Variants in DSCAM observed in about 807,000 individuals in gnomAD.
The protein encoded by DSCAM is cell adhesion molecule DSCAM.
DSCAM carries 47 observed loss-of-function variants against 217.7 expected under a neutral mutation model. The observed-to-expected ratio is 0.22, with a 90% CI of 0.17 to 0.28. DSCAM has a LOEUF of 0.28. DSCAM is among the 10% of genes least tolerant of loss of function. The pLI, the probability that DSCAM is intolerant of heterozygous loss-of-function variation, is 1.00. For synonymous variants in DSCAM, 1,056 were observed against 1,015.3 expected (o/e 1.04, Z -0.76); for missense variants, 2,080 against 2,618.3 (o/e 0.79, Z 4.49).
intron 2 of DSCAM, among the ~76,000 whole-genome samples, chr21:40,698,916 G>A (rs1174366178): frequency 4.8e-5 from 7 of 146,062 alleles, no homozygotes; most frequent in African/African-American, 1.0e-4. Context: ...GCTGTTCTTC[G>A]TGTCTCTGAG....
At chr21:40,598,497 GTTTTTTTTTT>G (rs71186947) in intron 3 of DSCAM, among the ~76,000 whole-genome samples, 1 of 66,790 alleles carries the variant, frequency 1.5e-5, no homozygotes, top group Non-Finnish European at 2.6e-5. Flanking sequence ...CTGCCAAACT[GTTTTTTTTTT>G]TTTTTTTTTT....
chr21:40,543,444 A>T (rs924675940), intron 3 of DSCAM, among the ~76,000 whole-genome samples: 2 of 152,194 alleles, frequency 1.3e-5, no homozygotes, highest in African/African-American at 4.8e-5. Flanking sequence ...CCAGAACCAG[A>T]ATCTGGGGTA....
chr21:40,444,050 A>G (rs2075654451), intron 3 of DSCAM, among the ~76,000 whole-genome samples: 1 of 152,222 alleles, frequency 6.6e-6, no homozygotes, highest in Non-Finnish European at 1.5e-5. Flanking sequence ...TAGAGGAAAA[A>G]CTGCTGCTTT....
intron 3 of DSCAM, among the ~76,000 whole-genome samples, chr21:40,558,002 G>T: frequency 6.6e-6 from 1 of 152,000 alleles, no homozygotes; most frequent in East Asian, 1.9e-4. Context: ...ATTTGGCGTT[G>T]GGCATGTAAA....
chr21:40,460,074 C>A (rs1307773393), intron 3 of DSCAM, among the ~76,000 whole-genome samples: 1 of 152,076 alleles, frequency 6.6e-6, no homozygotes. Flanking sequence ...GGGAGCTGAA[C>A]AATGAGAACA....
intron 3 of DSCAM, chr21:40,383,338 A>G (rs934248419): frequency 4.6e-5 from 7 of 152,342 alleles, no homozygotes; most frequent in Non-Finnish European, 1.0e-4. Context: ...CTAAAAAAAG[A>G]AAAAAAGAAA....
intron 14 of DSCAM, among the ~76,000 whole-genome samples, chr21:40,181,580 C>T (rs59431059): frequency 0.066 from 10,012 of 152,032 alleles, 1,055 homozygotes; most frequent in African/African-American, 0.22. Flanking sequence ...TTGGCCTCGC[C>T]TGTGTTATCT....
chr21:40,524,148 C>T (rs1043962775), intron 3 of DSCAM, among the ~76,000 whole-genome samples: 2 of 146,996 alleles, frequency 1.4e-5, no homozygotes, highest in African/African-American at 4.9e-5. Context: ...TTTAAACAAC[C>T]AGATCTCATG....
At chr21:40,728,946 G>A (rs1483655992) in intron 1 of DSCAM, among the ~76,000 whole-genome samples, 3 of 152,132 alleles carry the variant, frequency 2.0e-5, no homozygotes, top group Non-Finnish European at 4.4e-5. Flanking sequence ...CCTTCACTCA[G>A]TGGTAATGCA....
At chr21:40,576,491 T>C (rs1433682436) in intron 3 of DSCAM, among the ~76,000 whole-genome samples, 1 of 152,160 alleles carries the variant, frequency 6.6e-6, no homozygotes, top group Non-Finnish European at 1.5e-5. Flanking sequence ...TGGTGTCAAC[T>C]TGGGTGTCTT....
At chr21:40,408,383 A>G (rs1248053852) in intron 3 of DSCAM, among the ~76,000 whole-genome samples, 1 of 152,126 alleles carries the variant, frequency 6.6e-6, no homozygotes, top group African/African-American at 2.4e-5. Context: ...CATTCTGGAA[A>G]TGTTGAGCTT....
intron 3 of DSCAM, among the ~76,000 whole-genome samples, chr21:40,573,977 T>C (rs1461999103): frequency 6.6e-6 from 1 of 150,658 alleles, no homozygotes; most frequent in African/African-American, 2.5e-5. Context: ...GAAATGGAAT[T>C]TGTAATCAGA....
chr21:40,725,378 C>A (rs532741950), intron 1 of DSCAM, among the ~76,000 whole-genome samples: 6 of 152,188 alleles, frequency 3.9e-5, no homozygotes, highest in Admixed American at 3.9e-4. Flanking sequence ...TGCGTCCGGG[C>A]TCCAGGTATG....
chr21:40,412,767 T>A lies in DSCAM; in HGVS notation c.509-43522A>T, dbSNP rs143801811. Among the ~76,000 whole-genome samples, 14 of 152,302 alleles carry A rather than the reference T, an allele frequency of 9.2e-5. 1 individual carries two copies. In the East Asian group the frequency reaches 2.7e-3, roughly 29 times the overall value. On this transcript the variant is annotated intron_variant, in intron 3 of 32. Transcript: ENST00000400454. ...ATCCAGTTTGCTGCAGAAATTTGAA[T>A]AAGTAACTAGGAGCCAAATGTTAAT... is the stretch of plus-strand genomic sequence containing the variant.
Position 40,085,848 on chromosome 21 carries a change from G to C in DSCAM, c.3969-83C>G, listed in dbSNP as rs1460131558. The C allele has an allele frequency of 9.7e-6, 12 of 1,242,576 alleles. No homozygotes were observed. In the Admixed American group the frequency reaches 1.1e-4, roughly 12 times the overall value. The allele number at this position is 1,242,576 out of a possible 1,614,324, so 77.0% of individuals were successfully genotyped here. A position where few individuals can be genotyped will look rare whatever the true frequency, so the allele number is the denominator to read the frequency against. On this transcript the variant is annotated intron_variant, in intron 22 of 32. Coordinates refer to ENST00000400454, the MANE Select transcript of DSCAM (RefSeq NM_001389.5). ...GGTTGGGGAAAAACAGAAAGACTCT[G>C]TGAAGCAAACCACACATTTGGAAGC... is the stretch of plus-strand genomic sequence containing the variant.
chr21:40,095,870 T>G (rs912670718), intron 20 of DSCAM, among the ~76,000 whole-genome samples: 1 of 152,292 alleles, frequency 6.6e-6, no homozygotes, highest in Middle Eastern at 3.4e-3. Context: ...TTTAAGTAGA[T>G]ATGATACAAA....
intron 1 of DSCAM, among the ~76,000 whole-genome samples, chr21:40,713,506 C>T (rs552694775): frequency 1.9e-4 from 29 of 152,236 alleles, no homozygotes; most frequent in African/African-American, 6.5e-4. Flanking sequence ...CACAAATATA[C>T]CTTAGAGTGC....
At chr21:40,446,554 G>A (rs189722490) in intron 3 of DSCAM, among the ~76,000 whole-genome samples, 5 of 152,268 alleles carry the variant, frequency 3.3e-5, no homozygotes, top group Non-Finnish European at 5.9e-5. Context: ...AAGGAAGAGC[G>A]ATTCCCAGTC....
rs1425294167 is a variant in DSCAM, at chr21:40,064,853, C to T, written c.4889-1954G>A. On this transcript the variant is annotated intron_variant, in intron 27 of 32. Transcript: ENST00000400454. ...TGTATTACTGACCTGAAAGCTTCTA[C>T]CTGGGCCAAAGGGAGAGAGGAAAAA... Among the ~76,000 whole-genome samples, 5 of 152,194 alleles carry T rather than the reference C, an allele frequency of 3.3e-5. No individual in the cohort carries two copies. In the East Asian group the frequency reaches 9.7e-4, roughly 29 times the overall value.
Sources: allele counts gnomAD v4.1 joint callset (sites outside exome capture counted in the v4.1 genomes callset), GRCh38; gene constraint gnomAD v4.1.1; transcripts MANE v1.5; gene names NCBI Gene and HGNC (gene_info 2026-07-23, HGNC 2026-07-21).